Variants in CHRM3 observed in about 807,000 individuals in gnomAD.
CHRM3 encodes the protein cholinergic receptor muscarinic 3.
CHRM3 carries 11 observed loss-of-function variants against 41.8 expected under a neutral mutation model. The observed-to-expected ratio is 0.26, with a 90% CI of 0.17 to 0.44. The LOEUF is 0.44. Ranked by LOEUF, CHRM3 falls within the 20% of genes least tolerant of loss-of-function variation. The pLI is 1.00. For missense variants in CHRM3, 571 were observed against 745.4 expected (o/e 0.77, Z 2.72); for synonymous variants, 297 against 301.4 (o/e 0.99, Z 0.15).
intron 3 of CHRM3, among the ~76,000 whole-genome samples, chr1:239,573,708 A>C (rs1320232933): frequency 1.3e-5 from 2 of 152,126 alleles, no homozygotes; most frequent in African/African-American, 2.4e-5. Flanking sequence ...GTCCCAGGGC[A>C]GATCTCTTCA....
At chr1:239,728,766 C>G (rs1295799334) in intron 5 of CHRM3, among the ~76,000 whole-genome samples, 1 of 151,916 alleles carries the variant, frequency 6.6e-6, no homozygotes. Flanking sequence ...CAAAGAGTCT[C>G]CATTGTGTGC....
At chr1:239,507,609 A>C (rs1184354266) in intron 2 of CHRM3, among the ~76,000 whole-genome samples, 2 of 152,250 alleles carry the variant, frequency 1.3e-5, no homozygotes, top group Non-Finnish European at 2.9e-5. Flanking sequence ...ATGAAAACAT[A>C]AAGATATCAC....
At chr1:239,884,116 A>AGATACGACCACAT (rs1677869966) in intron 6 of CHRM3, among the ~76,000 whole-genome samples, 1 of 152,234 alleles carries the variant, frequency 6.6e-6, no homozygotes, top group Non-Finnish European at 1.5e-5. Context: ...TCACCCAAAA[A>AGATACGACCACAT]GATACGACCA....
chr1:239,655,177 T>C, intron 4 of CHRM3, among the ~76,000 whole-genome samples: 1 of 152,222 alleles, frequency 6.6e-6, no homozygotes, highest in Middle Eastern at 3.2e-3. Flanking sequence ...ATAAGTTCTA[T>C]TGTCTTGGTC....
chr1:239,695,582 A>C (rs1054636035), intron 5 of CHRM3, among the ~76,000 whole-genome samples: 1 of 152,164 alleles, frequency 6.6e-6, no homozygotes, highest in Admixed American at 6.5e-5. Context: ...CTGGGAAACA[A>C]TAAAAGCTCA....
intron 3 of CHRM3, among the ~76,000 whole-genome samples, chr1:239,602,090 A>ATATGTGTGTG (rs371232279): frequency 0.01 from 1,341 of 131,198 alleles, 35 homozygotes; most frequent in East Asian, 0.086. Context: ...ACATATATAC[A>ATATGTGTGTG]TGTGTGTGTG....
At chr1:239,769,160 T>C (rs1167477753) in intron 5 of CHRM3, among the ~76,000 whole-genome samples, 3 of 152,086 alleles carry the variant, frequency 2.0e-5, no homozygotes, top group Non-Finnish European at 4.4e-5. Flanking sequence ...ATAGGGAAAG[T>C]GGCAGGGATA....
chr1:239,860,820 G>C (rs1675574382), intron 6 of CHRM3, among the ~76,000 whole-genome samples: 1 of 152,152 alleles, frequency 6.6e-6, no homozygotes, highest in South Asian at 2.1e-4. Context: ...AGTCTGTGTA[G>C]CTGAAATTCT....
intron 1 of CHRM3, among the ~76,000 whole-genome samples, chr1:239,454,601 C>A (rs1664787532): frequency 6.6e-6 from 1 of 151,936 alleles, no homozygotes; most frequent in Non-Finnish European, 1.5e-5. Context: ...AAGTTCCAAT[C>A]TTCTAATCAC....
At chr1:239,798,281 G>A (rs1669953024) in intron 5 of CHRM3, among the ~76,000 whole-genome samples, 1 of 152,096 alleles carries the variant, frequency 6.6e-6, no homozygotes, top group South Asian at 2.1e-4. Context: ...GTGAACAGTA[G>A]GCTATTCATA....
chr1:239,794,095 G>T (rs79758281), intron 5 of CHRM3, among the ~76,000 whole-genome samples: 3,580 of 152,084 alleles, frequency 0.024, 166 homozygotes, highest in African/African-American at 0.083. Context: ...ATAAGCCATG[G>T]TGCCCAGCCT....
chr1:239,397,900 G>GCA (rs1035566005), intron 1 of CHRM3, among the ~76,000 whole-genome samples: 9 of 151,910 alleles, frequency 5.9e-5, no homozygotes, highest in African/African-American at 2.2e-4. Flanking sequence ...GTAACTGGGG[G>GCA]CACACAATAA....
At chr1:239,619,107 G>A (rs983037107) in intron 3 of CHRM3, among the ~76,000 whole-genome samples, 1 of 151,598 alleles carries the variant, frequency 6.6e-6, no homozygotes, top group Non-Finnish European at 1.5e-5. Context: ...TAGAGATGGG[G>A]TTTTGCCATG....
chr1:239,679,855 C>T (rs73109171), intron 5 of CHRM3, among the ~76,000 whole-genome samples: 5,873 of 152,172 alleles, frequency 0.039, 260 homozygotes, highest in East Asian at 0.11. Flanking sequence ...AGAAATTCTT[C>T]CTCTTAATTT....
chr1:239,665,367 A>T (rs572826107), intron 4 of CHRM3, among the ~76,000 whole-genome samples: 1 of 151,904 alleles, frequency 6.6e-6, no homozygotes, highest in Non-Finnish European at 1.5e-5. Flanking sequence ...ATTTGTTGCC[A>T]CTTTGCACCT....
chr1:239,590,910 A>T (rs550407995), intron 3 of CHRM3, among the ~76,000 whole-genome samples: 15 of 152,326 alleles, frequency 9.8e-5, no homozygotes, highest in African/African-American at 3.6e-4. Context: ...GGTGGTTACA[A>T]ACTCAAATAT....
intron 5 of CHRM3, among the ~76,000 whole-genome samples, chr1:239,745,086 A>T (rs1665231217): frequency 6.6e-6 from 1 of 152,100 alleles, no homozygotes; most frequent in Non-Finnish European, 1.5e-5. Flanking sequence ...AGTGGTGATG[A>T]GGTCAGAGAA....
chr1:239,397,874 G>A (rs1003197994), intron 1 of CHRM3, among the ~76,000 whole-genome samples: 17 of 151,736 alleles, frequency 1.1e-4, no homozygotes, highest in South Asian at 4.2e-4. Flanking sequence ...TATGTGAGCC[G>A]TGTCTTAGAA....
rs565009151 is a variant in CHRM3, at chr1:239,482,540, TTCACGGGCCTAACCCCTAG to T, written c.-520-10164_-520-10146del. Among the ~76,000 whole-genome samples, 11 of 152,276 alleles carry T rather than the reference TTCACGGGCCTAACCCCTAG, an allele frequency of 7.2e-5. No homozygotes were observed. In the East Asian group the frequency reaches 1.7e-3, roughly 24 times the overall value. ...TCACTACTCTTCTCCTCACTGTCAG[TTCACGGGCCTAACCCCTAG>T]TCACTCTTAGTATCTCAGATTATTA... On this transcript the variant is annotated intron_variant, in intron 1 of 6. Transcript: ENST00000676153.
Sources: gnomAD v4.1 joint callset for allele counts (sites outside exome capture counted in the v4.1 genomes callset) on GRCh38, gnomAD v4.1.1 for gene constraint, MANE v1.5 for transcripts, NCBI Gene and HGNC (gene_info 2026-07-23, HGNC 2026-07-21) for gene names.